Variants in NRXN3 observed in about 807,000 individuals in gnomAD.
NRXN3 encodes the protein neurexin III.
NRXN3 carries 32 observed loss-of-function variants against 137.6 expected under a neutral mutation model. That is an observed-to-expected ratio of 0.23 (90% confidence interval 0.18 to 0.31). The LOEUF (loss-of-function observed/expected upper bound fraction) is 0.31. Ranked by LOEUF, NRXN3 falls within the 10% of genes least tolerant of loss-of-function variation. The probability of loss-of-function intolerance (pLI) is 1.00; values close to 1 mark genes in which losing one functional copy is unlikely to be tolerated. For missense variants in NRXN3, 1,574 were observed against 2,062.5 expected, an observed-to-expected ratio of 0.76 and a Z score of 4.59; for synonymous variants, 798 against 784.5, an observed-to-expected ratio of 1.02 and a Z score of -0.29.
At chr14:79,351,301 T>C (rs1340694179) in intron 15 of NRXN3, among the ~76,000 whole-genome samples, 1 of 152,204 alleles carries the variant, frequency 6.6e-6, no homozygotes, top group Non-Finnish European at 1.5e-5. Context: ...TCATTCTTTT[T>C]CTGGTGGAAT....
intron 15 of NRXN3, among the ~76,000 whole-genome samples, chr14:79,387,380 A>T (rs545650365): frequency 6.6e-6 from 1 of 152,318 alleles, no homozygotes; most frequent in East Asian, 1.9e-4. Flanking sequence ...CATCAGAGAA[A>T]TGCAAATCAA....
intron 16 of NRXN3, among the ~76,000 whole-genome samples, chr14:79,634,376 G>A (rs1603287520): frequency 6.6e-6 from 1 of 152,146 alleles, no homozygotes; most frequent in African/African-American, 2.4e-5. Flanking sequence ...CTTTTGATAG[G>A]TTACGTATGG....
intron 15 of NRXN3, among the ~76,000 whole-genome samples, chr14:79,144,368 C>CA (rs2059099147): frequency 6.6e-6 from 1 of 152,078 alleles, no homozygotes; most frequent in African/African-American, 2.4e-5. Flanking sequence ...TCCTACCTTG[C>CA]AAAAAACTCG....
Position 78,966,318 on chromosome 14 carries a change from T to C in NRXN3, c.2689T>C (p.Phe897Leu). 1 of 1,614,186 alleles carries C rather than the reference T, an allele frequency of 6.2e-7. No homozygotes were observed. The highest frequency in any genetic ancestry group is 2.2e-5 in the East Asian group (1 of 44,884). ...GGCTTACACCTCCATGCACCTCTTC[T>C]TCCAGTTCAAGACCACCTCACCAGA... ...LQAYTSMHLFFQFKTTSPDGF... is the reference protein window; with the variant it reads ...LQAYTSMHLFLQFKTTSPDGF... The change falls in exon 12 of 21, where the codon TTC becomes CTC. Residue 897 changes from phenylalanine to leucine, a missense_variant. Phe to Leu is a conservative substitution (Grantham distance 22, BLOSUM62 0). Coordinates refer to ENST00000335750, the MANE Select transcript of NRXN3 (RefSeq NM_001330195.2).
intron 10 of NRXN3, among the ~76,000 whole-genome samples, chr14:78,883,386 T>C (rs1259899874): frequency 6.6e-6 from 1 of 152,014 alleles, no homozygotes; most frequent in Non-Finnish European, 1.5e-5. Context: ...AATAAATGAA[T>C]TATAGAGGAG....
At chr14:78,587,263 A>G (rs1366519095) in intron 4 of NRXN3, among the ~76,000 whole-genome samples, 1 of 152,162 alleles carries the variant, frequency 6.6e-6, no homozygotes, top group Non-Finnish European at 1.5e-5. Context: ...TTCTCTTGCA[A>G]TTATTGCTAC....
chr14:79,095,783 A>G (rs1478140510), intron 15 of NRXN3, among the ~76,000 whole-genome samples: 1 of 152,110 alleles, frequency 6.6e-6, no homozygotes, highest in Non-Finnish European at 1.5e-5. Flanking sequence ...GATTTTGAAA[A>G]GTTGTCTTTG....
intron 4 of NRXN3, among the ~76,000 whole-genome samples, chr14:78,621,845 A>T (rs1307571348): frequency 6.6e-6 from 1 of 152,180 alleles, no homozygotes; most frequent in Non-Finnish European, 1.5e-5. Flanking sequence ...GAAGCTGGAC[A>T]TTTGGATTTG....
intron 15 of NRXN3, among the ~76,000 whole-genome samples, chr14:79,211,697 A>G (rs1227921105): frequency 1.3e-5 from 2 of 152,166 alleles, no homozygotes; most frequent in African/African-American, 4.8e-5. Context: ...TTGAGACTTA[A>G]TGTTCTTTGA....
In NRXN3 at chr14:79,865,334, G is replaced by A. The variant is rs529723902; in HGVS notation, c.*3370G>A. On this transcript the variant is annotated 3_prime_UTR_variant, in exon 21 of 21. Coordinates refer to ENST00000335750, the MANE Select transcript of NRXN3 (RefSeq NM_001330195.2). ...GTAGCAGTAATGTCTCATATTTCTC[G>A]TTCTCTCAGCACACACTTACTTGGC... The A allele has an allele frequency of 1.2e-4, 19 of 152,124 alleles. No individual in the cohort carries two copies. Among genetic ancestry groups the A allele is most frequent in the South Asian group, 2.1e-4 (1 of 4,820 alleles). 9.4% of individuals were successfully genotyped at this position (152,124 alleles called of 1,614,324 possible). A position where few individuals can be genotyped will look rare whatever the true frequency, so the allele number is the denominator to read the frequency against.
At chr14:79,149,324 G>C (rs1399720831) in intron 15 of NRXN3, among the ~76,000 whole-genome samples, 2 of 150,644 alleles carry the variant, frequency 1.3e-5, no homozygotes, top group East Asian at 3.9e-4. Context: ...CTGGATAGGG[G>C]GATTTTTTTT....
At chr14:78,440,913 C>T (rs1383891321) in intron 4 of NRXN3, among the ~76,000 whole-genome samples, 2 of 152,154 alleles carry the variant, frequency 1.3e-5, no homozygotes, top group East Asian at 3.8e-4. Flanking sequence ...TTGCCCGAAG[C>T]TTAAATTTCA....
intron 15 of NRXN3, among the ~76,000 whole-genome samples, chr14:79,427,107 G>T (rs2095665153): frequency 6.6e-6 from 1 of 152,122 alleles, no homozygotes; most frequent in South Asian, 2.1e-4. Flanking sequence ...GATAGAGGAA[G>T]ATATTGGCAA....
rs1160197384 is a variant in NRXN3 at position 79,648,038 on chromosome 14, A to C, written c.3445-15740A>C. 1.5e-5 allele frequency among the ~76,000 whole-genome samples: 2 copies of C among 135,316 alleles called. 1 individual carries two copies. The allele number at this position is 135,316 out of a possible 152,430, so 88.8% of individuals were successfully genotyped here. On this transcript the variant is annotated intron_variant, in intron 16 of 20. Transcript: ENST00000335750. ...TTGCAAGAGACAGACAAGTTATTTG[A>C]ACGGAATGAAGTATAAGAAAACCTG... is the stretch of plus-strand genomic sequence containing the variant.
In NRXN3 at chr14:79,629,138, C is replaced by T. The variant is rs182811316; in HGVS notation, c.3445-34640C>T. Among the ~76,000 whole-genome samples, 83 of 152,116 alleles carry T rather than the reference C, an allele frequency of 5.5e-4. 1 individual carries two copies. Among genetic ancestry groups the T allele is most frequent in the Non-Finnish European group, 9.0e-4 (61 of 67,988 alleles). ...TAGTATATTAATCTTAGATAAATGT[C>T]CCCAGATAATTTTTAAATGATCAAA... On this transcript the variant is annotated intron_variant, in intron 16 of 20. Transcript: ENST00000335750.
rs149868716 is a variant in NRXN3, at chr14:78,201,280, T to C, written c.-704+30606T>C. ...AGCCAAAACAGGCTCCCTGACTTTG[T>C]ACAGCCTAAATTCTCCACACTGTCA... is the stretch of plus-strand genomic sequence containing the variant. On this transcript the variant is annotated intron_variant, in intron 1 of 20. Transcript: ENST00000335750. 3.0e-3 allele frequency among the ~76,000 whole-genome samples: 452 copies of C among 152,328 alleles called. 5 individuals are homozygous for C. The highest frequency in any genetic ancestry group is 0.01 in the African/African-American group (428 of 41,584).
intron 16 of NRXN3, among the ~76,000 whole-genome samples, chr14:79,598,780 G>T (rs1188751114): frequency 6.6e-6 from 1 of 152,164 alleles, no homozygotes; most frequent in Non-Finnish European, 1.5e-5. Context: ...ATCTCTTGGT[G>T]CTTTTGAAGG....
chr14:78,765,705 T>C (rs2098706670), intron 8 of NRXN3, among the ~76,000 whole-genome samples: 1 of 152,098 alleles, frequency 6.6e-6, no homozygotes, highest in Non-Finnish European at 1.5e-5. Flanking sequence ...ATTAAATGTT[T>C]GTTAAGTGAA....
At position 79,283,728 on chromosome 14, in the gene NRXN3, C is replaced by A. The variant is rs893900242; in HGVS notation, c.3263-183493C>A. Reference sequence around the variant, plus strand: ...GGCTCTTCCCCATTCTGTTAGAGTCCTCACCCCACTTTCATGCTCTCTTCT... The same window carrying A: ...GGCTCTTCCCCATTCTGTTAGAGTCATCACCCCACTTTCATGCTCTCTTCT... On this transcript the variant is annotated intron_variant, in intron 15 of 20. Transcript: ENST00000335750. Among the ~76,000 whole-genome samples the A allele has an allele frequency of 2.0e-5, 3 of 151,746 alleles. No individual in the cohort carries two copies. In the East Asian group the frequency reaches 5.8e-4, roughly 29 times the overall value.
Sources: allele counts gnomAD v4.1 joint callset (sites outside exome capture counted in the v4.1 genomes callset), GRCh38; gene constraint gnomAD v4.1.1; transcripts MANE v1.5; gene names NCBI Gene and HGNC (gene_info 2026-07-23, HGNC 2026-07-21).